Variants in SHANK2 observed in about 807,000 individuals in gnomAD.
SHANK2 encodes the protein SH3 and multiple ankyrin repeat domains protein 2.
Under a neutral mutation model 133.7 loss-of-function variants are expected in SHANK2, and 43 were observed. The observed-to-expected ratio is 0.32, with a 90% CI of 0.25 to 0.41. SHANK2 has a LOEUF of 0.41. Among genes scored for constraint, SHANK2 ranks in the 10% least tolerant of loss-of-function variants. SHANK2 has a pLI of 1.00. For missense variants in SHANK2, 1,994 were observed against 2,235.8 expected (o/e 0.89, Z 2.18); for synonymous variants, 1,017 against 952.8 (o/e 1.07, Z -1.24).
intron 17 of SHANK2, among the ~76,000 whole-genome samples, chr11:70,506,497 T>C (rs1219184062): frequency 6.6e-6 from 1 of 152,204 alleles, no homozygotes. Flanking sequence ...TGAAAGCTGA[T>C]GACAAAGAGG....
intron 10 of SHANK2, among the ~76,000 whole-genome samples, chr11:70,915,864 C>T (rs1950262452): frequency 1.3e-5 from 2 of 152,214 alleles, no homozygotes; most frequent in Admixed American, 1.3e-4. Flanking sequence ...TTATGACACT[C>T]AGGCACAACA....
At chr11:70,612,902 A>G (rs1173254663) in intron 17 of SHANK2, among the ~76,000 whole-genome samples, 2 of 152,152 alleles carry the variant, frequency 1.3e-5, no homozygotes, top group African/African-American at 4.8e-5. Context: ...GCCTTGATGA[A>G]TGCAGTTGGC....
At chr11:70,744,651 C>T (rs1591806906) in intron 14 of SHANK2, among the ~76,000 whole-genome samples, 1 of 152,300 alleles carries the variant, frequency 6.6e-6, no homozygotes, top group Non-Finnish European at 1.5e-5. Flanking sequence ...CAGCGGTGAC[C>T]GTGGTGGTGG....
intron 2 of SHANK2, among the ~76,000 whole-genome samples, chr11:71,174,210 CT>C (rs1487394895): frequency 3.9e-5 from 6 of 152,194 alleles, no homozygotes; most frequent in Non-Finnish European, 7.3e-5. Context: ...TTAGAAGCCA[CT>C]GATTTAACAC....
chr11:70,731,501 A>G (rs532098597), intron 14 of SHANK2, among the ~76,000 whole-genome samples: 1 of 152,218 alleles, frequency 6.6e-6, no homozygotes, highest in Non-Finnish European at 1.5e-5. Context: ...GGAATCACAC[A>G]GTACACAATG....
chr11:71,163,788 C>G (rs545174144), intron 2 of SHANK2, among the ~76,000 whole-genome samples: 5 of 152,318 alleles, frequency 3.3e-5, no homozygotes, highest in African/African-American at 7.2e-5. Flanking sequence ...AATTCACTCC[C>G]CATCCTTTCA....
intron 10 of SHANK2, among the ~76,000 whole-genome samples, chr11:70,938,283 A>C (rs1273638637): frequency 6.6e-6 from 1 of 152,108 alleles, no homozygotes; most frequent in African/African-American, 2.4e-5. Context: ...AACCCCTTTG[A>C]GCCTAGAGGA....
chr11:70,784,064 T>C (rs892724181), intron 14 of SHANK2, among the ~76,000 whole-genome samples: 1 of 152,038 alleles, frequency 6.6e-6, no homozygotes, highest in Non-Finnish European at 1.5e-5. Flanking sequence ...CAAGGGTGTC[T>C]CCGGGGCAAA....
chr11:70,859,573 G>C (rs111378371), intron 11 of SHANK2, among the ~76,000 whole-genome samples: 267 of 152,258 alleles, frequency 1.8e-3, no homozygotes, highest in African/African-American at 6.2e-3. Flanking sequence ...GGATGGACTA[G>C]TCAGAAAAGT....
intron 13 of SHANK2, among the ~76,000 whole-genome samples, chr11:70,806,657 C>T (rs1173077414): frequency 6.6e-6 from 1 of 152,178 alleles, no homozygotes; most frequent in Non-Finnish European, 1.5e-5. Flanking sequence ...AAAGCCGACC[C>T]ATGCCAGGGC....
chr11:70,920,822 A>G (rs1176734606), intron 10 of SHANK2, among the ~76,000 whole-genome samples: 1 of 152,240 alleles, frequency 6.6e-6, no homozygotes, highest in African/African-American at 2.4e-5. Context: ...TAAAGTTTTT[A>G]GCATAGCTGA....
intron 17 of SHANK2, among the ~76,000 whole-genome samples, chr11:70,592,399 T>C (rs555272659): frequency 4.4e-4 from 67 of 152,252 alleles, no homozygotes; most frequent in Non-Finnish European, 8.8e-4. Context: ...CTGACTCGGG[T>C]GGAGCTTCCA....
At chr11:71,144,967 A>G (rs1388911489) in intron 3 of SHANK2, among the ~76,000 whole-genome samples, 8 of 152,248 alleles carry the variant, frequency 5.3e-5, no homozygotes, top group Non-Finnish European at 1.0e-4. Context: ...TCTGCCAAGT[A>G]TTGATGTGAT....
intron 1 of SHANK2, among the ~76,000 whole-genome samples, chr11:71,231,485 G>C (rs1324156329): frequency 6.6e-6 from 1 of 152,178 alleles, no homozygotes; most frequent in Non-Finnish European, 1.5e-5. Flanking sequence ...ATACAAAATG[G>C]TACAGACATT....
chr11:70,931,516 G>A (rs1347431547), intron 10 of SHANK2, among the ~76,000 whole-genome samples: 2 of 152,182 alleles, frequency 1.3e-5, no homozygotes, highest in African/African-American at 2.4e-5. Flanking sequence ...GCGTGGCCAC[G>A]GCAAGTCAGG....
At chr11:70,897,966 T>C (rs192599535) in intron 10 of SHANK2, among the ~76,000 whole-genome samples, 301 of 137,108 alleles carry the variant, frequency 2.2e-3, no homozygotes, top group African/African-American at 8.2e-3. Flanking sequence ...ACACACTTTT[T>C]TTTTTCTTTT....
chr11:70,558,909 C>T (rs950264737), intron 17 of SHANK2, among the ~76,000 whole-genome samples: 10 of 152,208 alleles, frequency 6.6e-5, no homozygotes, highest in Admixed American at 5.9e-4. Context: ...GCCTGCAGCG[C>T]GTCTGCACAC....
intron 17 of SHANK2, among the ~76,000 whole-genome samples, chr11:70,576,293 G>A (rs534350842): frequency 4.2e-4 from 64 of 152,218 alleles, no homozygotes; most frequent in African/African-American, 1.3e-3. Context: ...AAGCGGCTGC[G>A]GCAGACCCCA....
At chr11:70,519,196 G>A (rs1221117750) in intron 17 of SHANK2, among the ~76,000 whole-genome samples, 1 of 152,116 alleles carries the variant, frequency 6.6e-6, no homozygotes. Context: ...CATGAGCACT[G>A]CACCCAGCCA....
Sources: gnomAD v4.1 joint callset for allele counts (sites outside exome capture counted in the v4.1 genomes callset) on GRCh38, gnomAD v4.1.1 for gene constraint, MANE v1.5 for transcripts, NCBI Gene and HGNC (gene_info 2026-07-23, HGNC 2026-07-21) for gene names.